Variants in LARGE1 observed in about 807,000 individuals in gnomAD.
LARGE1 encodes the protein LARGE xylosyl- and glucuronyltransferase 1, also known as xylosyl- and glucuronyltransferase LARGE1.
Under a neutral mutation model 87.6 loss-of-function variants are expected in LARGE1, and 43 were observed. The observed-to-expected ratio is 0.49, with a 90% CI of 0.38 to 0.63. The LOEUF is 0.63. LARGE1 is among the 30% of genes least tolerant of loss of function. The pLI, the probability that LARGE1 is intolerant of heterozygous loss-of-function variation, is 0.00. For synonymous variants in LARGE1, 434 were observed against 394.6 expected, an observed-to-expected ratio of 1.10 and a Z score of -1.18; for missense variants, 802 against 1,000.2, an observed-to-expected ratio of 0.80 and a Z score of 2.67.
intron 11 of LARGE1, chr22:33,166,967 C>T (rs1922310019): frequency 5.0e-6 from 2 of 403,304 alleles, no homozygotes; most frequent in Non-Finnish European, 1.0e-5. Context: ...AGCGAAACTC[C>T]CCCTTCTCCA....
At chr22:33,777,480 A>C (rs545917340) in intron 1 of LARGE1, among the ~76,000 whole-genome samples, 3 of 152,146 alleles carry the variant, frequency 2.0e-5, no homozygotes, top group African/African-American at 7.2e-5. Flanking sequence ...TCTACAAAAA[A>C]AGCATTTTTT....
chr22:33,528,535 A>C (rs2072028878), intron 6 of LARGE1, among the ~76,000 whole-genome samples: 1 of 152,182 alleles, frequency 6.6e-6, no homozygotes, highest in Non-Finnish European at 1.5e-5. Context: ...CTCTGATGTC[A>C]AAAGGTGAAG....
intron 1 of LARGE1, among the ~76,000 whole-genome samples, chr22:33,824,108 C>T (rs1346176701): frequency 6.6e-6 from 1 of 152,192 alleles, no homozygotes; most frequent in Non-Finnish European, 1.5e-5. Context: ...AAGGTTGATG[C>T]CACATGCCCG....
At chr22:33,683,475 T>C (rs563611346) in intron 2 of LARGE1, among the ~76,000 whole-genome samples, 32 of 152,278 alleles carry the variant, frequency 2.1e-4, no homozygotes, top group African/African-American at 7.0e-4. Flanking sequence ...GCCTCCATAA[T>C]TGAATGAGCC....
intron 1 of LARGE1, among the ~76,000 whole-genome samples, chr22:33,890,569 G>C (rs2064977958): frequency 6.6e-6 from 1 of 152,144 alleles, no homozygotes. Flanking sequence ...GTACATGCTG[G>C]AGTCTGAGTC....
intron 2 of LARGE1, among the ~76,000 whole-genome samples, chr22:33,691,484 T>C (rs914286389): frequency 1.3e-5 from 2 of 152,142 alleles, no homozygotes; most frequent in African/African-American, 2.4e-5. Context: ...CCAGCAAATA[T>C]TGACTGCACA....
intron 6 of LARGE1, among the ~76,000 whole-genome samples, chr22:33,438,313 C>T (rs897291450): frequency 2.0e-5 from 3 of 152,108 alleles, no homozygotes; most frequent in East Asian, 1.9e-4. Flanking sequence ...CTGCCTGTCT[C>T]GTCTTCTTGG....
At chr22:33,362,412 A>G (rs535421896) in intron 9 of LARGE1, among the ~76,000 whole-genome samples, 12 of 149,752 alleles carry the variant, frequency 8.0e-5, no homozygotes, top group Non-Finnish European at 1.6e-4. Context: ...AATTTACAAG[A>G]TTGCTTGGCT....
chr22:33,661,790 T>A (rs1347126592), intron 2 of LARGE1, among the ~76,000 whole-genome samples: 3 of 151,832 alleles, frequency 2.0e-5, no homozygotes, highest in Non-Finnish European at 4.4e-5. Flanking sequence ...ACATCATGAG[T>A]GTGTCTTTAA....
At chr22:33,907,431 T>C (rs1021680967) in intron 1 of LARGE1, among the ~76,000 whole-genome samples, 1 of 152,194 alleles carries the variant, frequency 6.6e-6, no homozygotes, top group African/African-American at 2.4e-5. Context: ...TCTCCATCAA[T>C]TATGACTGCC....
At chr22:33,900,344 A>C (rs2065250698) in intron 1 of LARGE1, among the ~76,000 whole-genome samples, 1 of 152,178 alleles carries the variant, frequency 6.6e-6, no homozygotes, top group African/African-American at 2.4e-5. Context: ...CAGGTACAAC[A>C]TTCTTACCTC....
chr22:33,297,297 C>A (rs1286430937), intron 12 of LARGE1, among the ~76,000 whole-genome samples: 2 of 152,092 alleles, frequency 1.3e-5, no homozygotes, highest in Non-Finnish European at 2.9e-5. Flanking sequence ...CAGTCTCTAC[C>A]CAGTGTGGCC....
chr22:33,843,185 G>A (rs545127453), intron 1 of LARGE1, among the ~76,000 whole-genome samples: 8 of 152,076 alleles, frequency 5.3e-5, no homozygotes, highest in Admixed American at 3.9e-4. Context: ...CTTCCCCACC[G>A]CCCTGTGCGT....
chr22:33,402,288 C>T (rs556518524), intron 7 of LARGE1, among the ~76,000 whole-genome samples: 1 of 152,298 alleles, frequency 6.6e-6, no homozygotes, highest in African/African-American at 2.4e-5. Context: ...ACTAAGTCAA[C>T]GTCTTCATTT....
At chr22:33,755,740 G>T (rs1027488792) in intron 2 of LARGE1, among the ~76,000 whole-genome samples, 1 of 152,168 alleles carries the variant, frequency 6.6e-6, no homozygotes, top group African/African-American at 2.4e-5. Context: ...CGGTTCCTGT[G>T]TCCCTCAATA....
chr22:33,203,623 C>A (rs1924526940), intron 11 of LARGE1, among the ~76,000 whole-genome samples: 2 of 152,096 alleles, frequency 1.3e-5, no homozygotes, highest in Admixed American at 1.3e-4. Context: ...GCTAGGGAGG[C>A]AAGCAGAGAT....
At chr22:33,622,282 C>T (rs1040970295) in intron 4 of LARGE1, among the ~76,000 whole-genome samples, 3 of 152,098 alleles carry the variant, frequency 2.0e-5, no homozygotes, top group Admixed American at 6.5e-5. Context: ...GAGTTCTCAC[C>T]AGATCTGATG....
intron 9 of LARGE1, among the ~76,000 whole-genome samples, chr22:33,365,616 CTTTT>C (rs199897896): frequency 4.3e-5 from 6 of 139,258 alleles, no homozygotes; most frequent in Admixed American, 2.2e-4. Context: ...GCTTTTCTCT[CTTTT>C]TTTTTTTTTT....
chr22:33,315,438 C>T (rs577267568), intron 11 of LARGE1, among the ~76,000 whole-genome samples: 7 of 152,278 alleles, frequency 4.6e-5, no homozygotes, highest in South Asian at 4.1e-4. Context: ...AAAGAAACAG[C>T]GTTGCTTTCC....
Sources: allele counts gnomAD v4.1 joint callset (sites outside exome capture counted in the v4.1 genomes callset), GRCh38; gene constraint gnomAD v4.1.1; transcripts MANE v1.5; gene names NCBI Gene and HGNC (gene_info 2026-07-23, HGNC 2026-07-21).